The following AGBL4 variants were observed in gnomAD, a reference collection of about 807,000 sequenced individuals.
AGBL4 encodes the protein AGBL carboxypeptidase 4, also known as cytosolic carboxypeptidase 6.
AGBL4 carries 58 observed loss-of-function variants against 66.4 expected under a neutral mutation model. The observed-to-expected ratio is 0.87, with a 90% CI of 0.71 to 1.09. The LOEUF is 1.09. Ranked by LOEUF, AGBL4 falls within the 50% of genes least tolerant of loss-of-function variation. The pLI, the probability that AGBL4 is intolerant of heterozygous loss-of-function variation, is 0.00. For missense variants in AGBL4, 579 were observed against 631.0 expected (o/e 0.92, Z 0.88); for synonymous variants, 234 against 222.9 (o/e 1.05, Z -0.44).
intron 5 of AGBL4, among the ~76,000 whole-genome samples, chr1:48,927,972 C>T (rs555344847): frequency 6.6e-6 from 1 of 152,318 alleles, no homozygotes; most frequent in East Asian, 1.9e-4. Flanking sequence ...CCCAGTTGGT[C>T]AGCCATCATG....
At chr1:48,601,970 A>G (rs549125766) in intron 9 of AGBL4, among the ~76,000 whole-genome samples, 2 of 152,326 alleles carry the variant, frequency 1.3e-5, no homozygotes, top group Non-Finnish European at 1.5e-5. Flanking sequence ...CTGAGATACA[A>G]TTTTTAAGGC....
intron 5 of AGBL4, among the ~76,000 whole-genome samples, chr1:49,006,781 C>T (rs1349737879): frequency 4.6e-5 from 7 of 151,382 alleles, no homozygotes; most frequent in East Asian, 2.0e-4. Flanking sequence ...ACACCTCACA[C>T]GGCAGAGTAT....
chr1:48,703,367 T>A (rs1646832270), intron 6 of AGBL4, among the ~76,000 whole-genome samples: 1 of 151,936 alleles, frequency 6.6e-6, no homozygotes, highest in South Asian at 2.1e-4. Context: ...ACTGAAACAG[T>A]GATGAGGACA....
chr1:48,541,949 A>G (rs944224280), intron 11 of AGBL4, among the ~76,000 whole-genome samples: 1 of 152,124 alleles, frequency 6.6e-6, no homozygotes, highest in East Asian at 1.9e-4. Context: ...CCATCAACCC[A>G]TCATTTACAT....
chr1:49,844,184 G>T (rs1365637506), intron 2 of AGBL4, among the ~76,000 whole-genome samples: 1 of 152,198 alleles, frequency 6.6e-6, no homozygotes, highest in Non-Finnish European at 1.5e-5. Flanking sequence ...TCTAGAGTGA[G>T]ATGGCACAAC....
At chr1:49,829,296 T>A (rs1172734251) in intron 2 of AGBL4, among the ~76,000 whole-genome samples, 2 of 152,066 alleles carry the variant, frequency 1.3e-5, no homozygotes, top group Non-Finnish European at 2.9e-5. Flanking sequence ...CCTTGGAAAA[T>A]GCCTTATAGG....
chr1:49,560,849 T>C (rs1485308206), intron 3 of AGBL4, among the ~76,000 whole-genome samples: 1 of 152,198 alleles, frequency 6.6e-6, no homozygotes, highest in African/African-American at 2.4e-5. Context: ...CCCTGAATAG[T>C]ATATCTGGTG....
At chr1:49,912,954 C>T (rs1030493359) in intron 1 of AGBL4, among the ~76,000 whole-genome samples, 6 of 152,184 alleles carry the variant, frequency 3.9e-5, no homozygotes, top group African/African-American at 9.6e-5. Context: ...TGACTAATCA[C>T]CTCTTAATGG....
At chr1:49,155,775 C>T (rs1646418194) in intron 4 of AGBL4, among the ~76,000 whole-genome samples, 1 of 152,188 alleles carries the variant, frequency 6.6e-6, no homozygotes, top group South Asian at 2.1e-4. Context: ...GTGTTAACAA[C>T]ACCTATTCCT....
chr1:49,413,218 A>G (rs370418893), intron 3 of AGBL4, among the ~76,000 whole-genome samples: 2 of 152,314 alleles, frequency 1.3e-5, no homozygotes, highest in South Asian at 4.1e-4. Flanking sequence ...TTTAGCACTG[A>G]GTAAGTAATC....
At chr1:49,358,110 A>C (rs886761957) in intron 3 of AGBL4, among the ~76,000 whole-genome samples, 5 of 152,158 alleles carry the variant, frequency 3.3e-5, no homozygotes, top group African/African-American at 1.2e-4. Flanking sequence ...GTATTAATTA[A>C]ACATTAAAGA....
intron 5 of AGBL4, among the ~76,000 whole-genome samples, chr1:49,043,332 G>A (rs1375688131): frequency 6.6e-6 from 1 of 152,120 alleles, no homozygotes; most frequent in Admixed American, 6.6e-5. Context: ...GAGATCAGAT[G>A]TAAGTAAGAG....
chr1:48,741,803 T>TA (rs1483187505), intron 6 of AGBL4, among the ~76,000 whole-genome samples: 1 of 152,198 alleles, frequency 6.6e-6, no homozygotes, highest in East Asian at 1.9e-4. Context: ...AGGCGATGTC[T>TA]GTAATGCATG....
chr1:49,494,366 C>G (rs1647335761), intron 3 of AGBL4, among the ~76,000 whole-genome samples: 1 of 151,878 alleles, frequency 6.6e-6, no homozygotes, highest in African/African-American at 2.4e-5. Context: ...TGCTGGTGCG[C>G]TGCACCCACT....
chr1:48,685,787 C>T (rs1329000062), intron 6 of AGBL4, among the ~76,000 whole-genome samples: 1 of 152,126 alleles, frequency 6.6e-6, no homozygotes, highest in Non-Finnish European at 1.5e-5. Context: ...AACTGAATTA[C>T]CAAAATAATT....
chr1:49,589,728 G>T (rs1261194068), intron 3 of AGBL4, among the ~76,000 whole-genome samples: 1 of 152,056 alleles, frequency 6.6e-6, no homozygotes, highest in African/African-American at 2.4e-5. Context: ...AGAGTGAAAT[G>T]AGCAGTATTA....
At chr1:49,753,932 T>C (rs570854887) in intron 2 of AGBL4, among the ~76,000 whole-genome samples, 2 of 152,360 alleles carry the variant, frequency 1.3e-5, no homozygotes, top group Middle Eastern at 3.4e-3. Flanking sequence ...GTCATTTATG[T>C]TCTTCTCTAA....
chr1:49,947,032 A>G (rs1655272060), intron 1 of AGBL4, among the ~76,000 whole-genome samples: 1 of 151,874 alleles, frequency 6.6e-6, no homozygotes, highest in Non-Finnish European at 1.5e-5. Context: ...TGAACAGACC[A>G]ATAACAAGCA....
chr1:49,994,076 T>A (rs1660170067), intron 1 of AGBL4, among the ~76,000 whole-genome samples: 1 of 152,214 alleles, frequency 6.6e-6, no homozygotes, highest in African/African-American at 2.4e-5. Context: ...ATTCTGGTTT[T>A]GAATTATTAT....
Sources: gnomAD v4.1 joint callset for allele counts (sites outside exome capture counted in the v4.1 genomes callset) on GRCh38, gnomAD v4.1.1 for gene constraint, MANE v1.5 for transcripts, NCBI Gene and HGNC (gene_info 2026-07-23, HGNC 2026-07-21) for gene names.